The following ZFPM2 variants were observed in gnomAD, a reference collection of about 807,000 sequenced individuals.
ZFPM2 encodes the protein zinc finger protein, FOG family member 2.
ZFPM2 carries 20 observed loss-of-function variants against 98.6 expected under a neutral mutation model. The ratio of observed to expected loss-of-function variants is 0.20; its 90% confidence interval spans 0.14 to 0.29. The LOEUF (loss-of-function observed/expected upper bound fraction) is 0.29, where lower values mean the gene tolerates loss of function less well. Ranked by LOEUF, ZFPM2 falls within the 10% of genes least tolerant of loss-of-function variation. The pLI, the probability that ZFPM2 is intolerant of heterozygous loss-of-function variation, is 1.00. For synonymous variants in ZFPM2, 518 were observed against 502.7 expected, an observed-to-expected ratio of 1.03 and a Z score of -0.41; for missense variants, 1,310 against 1,388.6, an observed-to-expected ratio of 0.94 and a Z score of 0.90.
intron 2 of ZFPM2, among the ~76,000 whole-genome samples, chr8:105,437,850 C>T (rs1812156969): frequency 1.3e-5 from 2 of 152,070 alleles, no homozygotes; most frequent in Admixed American, 1.3e-4. Context: ...CGTGACCAGC[C>T]TGGCTAACAT....
chr8:105,788,425 C>T (rs1302892144), intron 5 of ZFPM2, among the ~76,000 whole-genome samples: 2 of 152,188 alleles, frequency 1.3e-5, no homozygotes, highest in African/African-American at 2.4e-5. Context: ...GTTACTGATT[C>T]AGGCAAGCCC....
chr8:105,648,110 G>A (rs1817088305), intron 5 of ZFPM2, among the ~76,000 whole-genome samples: 1 of 152,146 alleles, frequency 6.6e-6, no homozygotes, highest in South Asian at 2.1e-4. Flanking sequence ...GTTTTGATTT[G>A]CATTCCTCTG....
At chr8:105,618,199 A>G (rs1229467388) in intron 4 of ZFPM2, among the ~76,000 whole-genome samples, 2 of 152,206 alleles carry the variant, frequency 1.3e-5, no homozygotes, top group Non-Finnish European at 2.9e-5. Flanking sequence ...TTTCATGGAC[A>G]TGAAAAATTG....
At chr8:105,766,549 C>T (rs1221529773) in intron 5 of ZFPM2, among the ~76,000 whole-genome samples, 3 of 151,768 alleles carry the variant, frequency 2.0e-5, no homozygotes, top group Non-Finnish European at 2.9e-5. Flanking sequence ...GGGGATTAGG[C>T]ATTGAGAGGT....
intron 5 of ZFPM2, among the ~76,000 whole-genome samples, chr8:105,745,082 C>T (rs1812312056): frequency 6.6e-6 from 1 of 152,054 alleles, no homozygotes; most frequent in Non-Finnish European, 1.5e-5. Context: ...CACATTTTAC[C>T]CCATCTCAGC....
intron 4 of ZFPM2, among the ~76,000 whole-genome samples, chr8:105,623,539 G>T (rs1227133560): frequency 1.3e-5 from 2 of 151,934 alleles, no homozygotes; most frequent in Non-Finnish European, 2.9e-5. Flanking sequence ...CTCTTTTTTG[G>T]CAGAGGATTG....
chr8:105,788,942 T>G lies in ZFPM2; in HGVS notation c.739+18T>G. ...TGTCAATAGTAAGTGCTCAGTGCTG[T>G]GTAGCCCAGCTTTAGAGGTGATGGG... is the stretch of plus-strand genomic sequence containing the variant. On this transcript the variant is annotated intron_variant, in intron 6 of 7. Coordinates refer to ENST00000407775, the MANE Select transcript of ZFPM2 (RefSeq NM_012082.4). 6.3e-7 allele frequency: 1 copy of G among 1,597,938 alleles called. No homozygotes were observed. Among genetic ancestry groups the G allele is most frequent in the Non-Finnish European group, 8.6e-7 (1 of 1,168,556 alleles).
At chr8:105,751,245 G>A (rs1812469515) in intron 5 of ZFPM2, among the ~76,000 whole-genome samples, 1 of 152,072 alleles carries the variant, frequency 6.6e-6, no homozygotes, top group Non-Finnish European at 1.5e-5. Context: ...GATTACAAGA[G>A]ACTGCATGGC....
intron 1 of ZFPM2, among the ~76,000 whole-genome samples, chr8:105,398,958 TGAA>T (rs1357539630): frequency 2.6e-5 from 4 of 152,108 alleles, no homozygotes; most frequent in Admixed American, 2.6e-4. Context: ...TTCTCAAACC[TGAA>T]GGATGAACTG....
intron 3 of ZFPM2, among the ~76,000 whole-genome samples, chr8:105,482,480 G>A (rs1173057734): frequency 1.3e-5 from 2 of 151,876 alleles, no homozygotes; most frequent in African/African-American, 2.4e-5. Context: ...CATATAATAT[G>A]GTATACATTT....
rs189989627 is a variant in ZFPM2 at position 105,509,293 on chromosome 8, C to T, written c.302-52070C>T. ...GTCAGGGTGGAGGCACTTTGCATAC[C>T]TTGGAGGGTAAGCTTCCCTGCAGTG... is the stretch of plus-strand genomic sequence containing the variant. On this transcript the variant is annotated intron_variant, in intron 3 of 7. Coordinates refer to ENST00000407775, the MANE Select transcript of ZFPM2 (RefSeq NM_012082.4). Among the ~76,000 whole-genome samples the T allele has an allele frequency of 1.3e-4, 20 of 152,162 alleles. No individual in the cohort carries two copies. The East Asian group carries it at 3.9e-3, about 30-fold the overall frequency.
intron 5 of ZFPM2, among the ~76,000 whole-genome samples, chr8:105,725,993 C>T (rs1811799679): frequency 6.6e-6 from 1 of 151,592 alleles, no homozygotes; most frequent in African/African-American, 2.4e-5. Context: ...AAATACAGAC[C>T]TTGTGGAAGC....
chr8:105,351,354 C>CGTGTGTGTGTGTGTGTGT (rs139105567), intron 1 of ZFPM2, among the ~76,000 whole-genome samples: 6 of 144,754 alleles, frequency 4.1e-5, no homozygotes, highest in African/African-American at 1.6e-4. Flanking sequence ...TGCATTATTT[C>CGTGTGTGTGTGTGTGTGT]GTGTGTGTGT....
chr8:105,347,317 A>C (rs1370376902), intron 1 of ZFPM2, among the ~76,000 whole-genome samples: 1 of 151,982 alleles, frequency 6.6e-6, no homozygotes, highest in Non-Finnish European at 1.5e-5. Flanking sequence ...GTCAATAAAA[A>C]CCTTATTTTT....
chr8:105,803,328 C>T lies in ZFPM2; in HGVS notation c.3246C>T (p.Asn1082=), dbSNP rs1245776542. 4.4e-6 allele frequency: 7 copies of T among 1,605,372 alleles called. No homozygotes were observed. Among genetic ancestry groups the T allele is most frequent in the South Asian group, 1.1e-5 (1 of 89,668 alleles). The part of the protein sequence containing the change: ...DHKSPSWISE[N]PLAANENVSP... ...AATCTCCCTCGTGGATCTCTGAGAA[C>T]CCATTAGCTGCCAATGAGAATGTCT... The change falls in exon 8 of 8, where the codon AAC becomes AAT. Residue 1082 remains asparagine (N), a synonymous_variant. Coordinates refer to ENST00000407775, the MANE Select transcript of ZFPM2 (RefSeq NM_012082.4).
At chr8:105,623,399 T>C (rs1816593660) in intron 4 of ZFPM2, among the ~76,000 whole-genome samples, 1 of 152,216 alleles carries the variant, frequency 6.6e-6, no homozygotes, top group African/African-American at 2.4e-5. Flanking sequence ...GTTCGAGATA[T>C]AAGCAAGTTA....
At chr8:105,373,849 G>C (rs1048896309) in intron 1 of ZFPM2, among the ~76,000 whole-genome samples, 9 of 152,244 alleles carry the variant, frequency 5.9e-5, no homozygotes, top group Non-Finnish European at 8.8e-5. Flanking sequence ...ACATACAATA[G>C]GCAGAGACTT....
At chr8:105,335,210 C>T (rs756108199) in intron 1 of ZFPM2, among the ~76,000 whole-genome samples, 4 of 151,630 alleles carry the variant, frequency 2.6e-5, no homozygotes, top group Non-Finnish European at 4.4e-5. Context: ...GAACCTAGAG[C>T]CTAGGAACAT....
At chr8:105,502,323 A>G (rs1297092053) in intron 3 of ZFPM2, among the ~76,000 whole-genome samples, 1 of 152,180 alleles carries the variant, frequency 6.6e-6, no homozygotes, top group African/African-American at 2.4e-5. Context: ...AAGAATATCA[A>G]TTAAAAAACA....
Sources: gnomAD v4.1 joint callset for allele counts (sites outside exome capture counted in the v4.1 genomes callset) on GRCh38, gnomAD v4.1.1 for gene constraint, MANE v1.5 for transcripts, NCBI Gene and HGNC (gene_info 2026-07-23, HGNC 2026-07-21) for gene names.